The following SEPHS1 variants were observed in gnomAD, a reference collection of about 807,000 sequenced individuals.
SEPHS1 encodes the protein selenophosphate synthetase 1, also known as zincore component SEPHS1.
A neutral mutation model predicts 39.2 loss-of-function variants in SEPHS1; 7 were observed. The observed-to-expected ratio is 0.18, with a 90% CI of 0.10 to 0.34. The LOEUF (loss-of-function observed/expected upper bound fraction) is 0.34. SEPHS1 is among the 10% of genes least tolerant of loss of function. SEPHS1 has a pLI of 1.00. For missense variants in SEPHS1, 253 were observed against 514.5 expected, an observed-to-expected ratio of 0.49 and a Z score of 4.92; for synonymous variants, 190 against 195.5, an observed-to-expected ratio of 0.97 and a Z score of 0.23.
rs564340233 is a variant in SEPHS1 at position 13,329,907 on chromosome 10, T to C, written c.561-119A>G. 55 of 858,156 alleles carry C rather than the reference T, an allele frequency of 6.4e-5. No individual in the cohort carries two copies. In the African/African-American group the frequency reaches 7.9e-4, roughly 12 times the overall value. The allele number at this position is 858,156 out of a possible 1,614,324, so 53.2% of individuals were successfully genotyped here. ...ATATCTGCCTTTGCATTTACTTAAA[T>C]TGAAGCCAACTACCAGCATGTATGG... On this transcript the variant is annotated intron_variant, in intron 5 of 8. Transcript: ENST00000327347.
At chr10:13,323,661 C>T (rs1230868297) in intron 7 of SEPHS1, among the ~76,000 whole-genome samples, 2 of 152,106 alleles carry the variant, frequency 1.3e-5, no homozygotes, top group African/African-American at 2.4e-5. Flanking sequence ...CCAAGACCAG[C>T]ACTTTTTAAG....
At chr10:13,347,744 TCCTCCCCGCCCTC>T (rs1833971054) in intron 1 of SEPHS1, among the ~76,000 whole-genome samples, 1 of 131,938 alleles carries the variant, frequency 7.6e-6, no homozygotes, top group Admixed American at 7.3e-5. Context: ...TCCCCTCCGC[TCCTCCCCGCCCTC>T]CCTCCCTCCT....
At chr10:13,322,109 T>A (rs558711172) in intron 8 of SEPHS1, 9 of 441,954 alleles carry the variant, frequency 2.0e-5, no homozygotes, top group Non-Finnish European at 4.0e-5. Flanking sequence ...TAATATCCTA[T>A]TGCATTCTTT....
At chr10:13,332,413 G>A (rs1833499243) in intron 5 of SEPHS1, among the ~76,000 whole-genome samples, 1 of 152,208 alleles carries the variant, frequency 6.6e-6, no homozygotes. Flanking sequence ...TTGGGGTGAT[G>A]AAAACATTCT....
chr10:13,348,141 G>GGCCCGC lies in SEPHS1; in HGVS notation c.-226_-221dup, dbSNP rs934863065. ...CGGCGGCGGCGGCGGCGGGGGCCCG[G>GGCCCGC]GCCCGCGCCTGGGCGCCGCGGGGGC... On this transcript the variant is annotated 5_prime_UTR_variant, in exon 1 of 9. Coordinates refer to ENST00000327347, the MANE Select transcript of SEPHS1 (RefSeq NM_012247.5). The GGCCCGC allele has an allele frequency of 1.4e-5, 2 of 145,040 alleles. No homozygotes were observed. The highest frequency in any genetic ancestry group is 4.9e-5 in the African/African-American group (2 of 40,548). The allele number at this position is 145,040 out of a possible 1,614,324, so 9.0% of individuals were successfully genotyped here. A position where few individuals can be genotyped will look rare whatever the true frequency, so the allele number is the denominator to read the frequency against.
chr10:13,344,725 C>A (rs376307065), intron 2 of SEPHS1, 33 bp downstream of exon 2: 1 of 1,406,440 alleles, frequency 7.1e-7, no homozygotes, highest in Non-Finnish European at 9.4e-7. Flanking sequence ...CTGATTGGAT[C>A]GCAGACCATC....
rs950077800 is a variant in SEPHS1, at chr10:13,345,069, C to T, written c.-78-41G>A. ...ACACAAAGATGCCATGAAAAGAATTCCCACTGGGACCTGCCAGCGAATCAA... is the reference window on the plus strand; with the variant it reads ...ACACAAAGATGCCATGAAAAGAATTTCCACTGGGACCTGCCAGCGAATCAA... On this transcript the variant is annotated intron_variant, in intron 1 of 8. Transcript: ENST00000327347. The T allele has an allele frequency of 9.1e-6, 8 of 875,020 alleles. No homozygotes were observed. The Admixed American group carries it at 1.2e-4, about 13-fold the overall frequency. The allele number at this position is 875,020 out of a possible 1,614,324, so 54.2% of individuals were successfully genotyped here.
intron 2 of SEPHS1, among the ~76,000 whole-genome samples, chr10:13,339,282 ATTATTAC>A (rs1206116569): frequency 6.6e-6 from 1 of 152,152 alleles, no homozygotes; most frequent in Admixed American, 6.6e-5. Flanking sequence ...GAAAAATGCT[ATTATTAC>A]TTATACATTT....
chr10:13,319,414 T>G, intron 8 of SEPHS1, 58 bp from the exon 9 acceptor site: 2 of 1,541,414 alleles, frequency 1.3e-6, no homozygotes, highest in South Asian at 1.2e-5. Flanking sequence ...CTTCTCTGCC[T>G]CTGCTGCTTC....
At chr10:13,333,212 C>T (rs921455081) in intron 5 of SEPHS1, among the ~76,000 whole-genome samples, 3 of 151,692 alleles carry the variant, frequency 2.0e-5, no homozygotes, top group African/African-American at 7.3e-5. Context: ...TGGCTCACTG[C>T]AGCCGCAGCC....
chr10:13,329,683 CA>C lies in SEPHS1; in HGVS notation c.651+14del. The C allele has an allele frequency of 6.3e-7, 1 of 1,582,858 alleles. No individual in the cohort carries two copies. The highest frequency in any genetic ancestry group is 8.6e-7 in the Non-Finnish European group (1 of 1,160,824). On this transcript the variant is annotated intron_variant, in intron 6 of 8. Coordinates refer to ENST00000327347, the MANE Select transcript of SEPHS1 (RefSeq NM_012247.5). ...ACCATTCCCCTCCCTCCCATCACAG[CA>C]GTGGTTTACTCACGATATCCAGCCA...
intron 8 of SEPHS1, among the ~76,000 whole-genome samples, chr10:13,321,684 AAG>A (rs1287298857): frequency 6.6e-6 from 1 of 152,238 alleles, no homozygotes; most frequent in Non-Finnish European, 1.5e-5. Context: ...AAAGGGAACA[AAG>A]GGGGCAAAAG....
chr10:13,333,994 TAA>T (rs1833548637), intron 4 of SEPHS1, 23 bp from the exon 5 acceptor site: 1 of 1,588,548 alleles, frequency 6.3e-7, no homozygotes, highest in Non-Finnish European at 8.5e-7. Flanking sequence ...AAGGTACAAA[TAA>T]AAAGTCAAAG....
intron 1 of SEPHS1, chr10:13,347,224 G>A (rs1833948495): frequency 6.6e-6 from 1 of 152,082 alleles, no homozygotes; most frequent in African/African-American, 2.4e-5. Context: ...GGGAGCCGGG[G>A]AGCCGGTCAG....
intron 8 of SEPHS1, among the ~76,000 whole-genome samples, chr10:13,319,789 T>C (rs1459077595): frequency 6.6e-6 from 1 of 152,214 alleles, no homozygotes; most frequent in Non-Finnish European, 1.5e-5. Flanking sequence ...CTAAGAGGCC[T>C]GTTCTATGCT....
intron 8 of SEPHS1, among the ~76,000 whole-genome samples, chr10:13,320,188 T>A (rs988085955): frequency 2.8e-5 from 4 of 145,352 alleles, no homozygotes; most frequent in African/African-American, 1.0e-4. Flanking sequence ...AGGCCATAAA[T>A]TTTTTTTTTT....
At chr10:13,346,959 A>G (rs944601127) in intron 1 of SEPHS1, among the ~76,000 whole-genome samples, 19 of 152,132 alleles carry the variant, frequency 1.2e-4, no homozygotes, top group Non-Finnish European at 2.5e-4. Flanking sequence ...TCAGCCTCAC[A>G]TCCTAATGAA....
chr10:13,318,840 C>T lies in SEPHS1; in HGVS notation c.*302G>A, dbSNP rs1388036370. On this transcript the variant is annotated 3_prime_UTR_variant, in exon 9 of 9. Transcript: ENST00000327347. ...GTAATGCCTGTGCTATGTGAAAGCA[C>T]CTTTAAAAAGCCTATGCGGCAAGAG... The T allele has an allele frequency of 8.7e-6, 3 of 344,158 alleles. No individual in the cohort carries two copies. Among genetic ancestry groups the T allele is most frequent in the African/African-American group, 4.4e-5 (2 of 45,270 alleles). The allele number at this position is 344,158 out of a possible 1,614,324, so 21.3% of individuals were successfully genotyped here.
chr10:13,328,265 C>A lies in SEPHS1; in HGVS notation c.751+86G>T, dbSNP rs1319671761. 6.3e-6 allele frequency: 6 copies of A among 948,964 alleles called. No homozygotes were observed. In the South Asian group the frequency reaches 8.9e-5, roughly 14 times the overall value. 58.8% of individuals were successfully genotyped at this position (948,964 alleles called of 1,614,324 possible). A position where few individuals can be genotyped will look rare whatever the true frequency, so the allele number is the denominator to read the frequency against. On this transcript the variant is annotated intron_variant, in intron 7 of 8. Coordinates refer to ENST00000327347, the MANE Select transcript of SEPHS1 (RefSeq NM_012247.5). ...CACTGGCCAAAAATCTGGCCACCTA[C>A]CCTGAGACAGTATGTGGCCAGAAAA...
Sources: allele counts gnomAD v4.1 joint callset (sites outside exome capture counted in the v4.1 genomes callset), GRCh38; gene constraint gnomAD v4.1.1; transcripts MANE v1.5; gene names NCBI Gene and HGNC (gene_info 2026-07-23, HGNC 2026-07-21).